TRHDE: variants seen among roughly 807,000 people sequenced by gnomAD.
TRHDE encodes the protein thyrotropin releasing hormone degrading enzyme.
TRHDE carries 72 observed loss-of-function variants against 125.7 expected under a neutral mutation model. The ratio of observed to expected loss-of-function variants is 0.57; its 90% CI spans 0.47 to 0.70. The LOEUF (loss-of-function observed/expected upper bound fraction) is 0.70. TRHDE is among the 30% of genes least tolerant of loss of function. TRHDE has a pLI of 0.00. For synonymous variants in TRHDE, 509 were observed against 509.1 expected, an observed-to-expected ratio of 1.00 and a Z score of 0.00; for missense variants, 1,110 against 1,327.1, an observed-to-expected ratio of 0.84 and a Z score of 2.54.
At chr12:72,213,259 AAGT>A (rs1031125552) in intron 2 of TRHDE, among the ~76,000 whole-genome samples, 1 of 152,104 alleles carries the variant, frequency 6.6e-6, no homozygotes, top group Non-Finnish European at 1.5e-5. Flanking sequence ...AGATGTTCAA[AAGT>A]AGGTTGTGGT....
chr12:72,457,795 A>G (rs1425737331), intron 3 of TRHDE, among the ~76,000 whole-genome samples: 1 of 152,200 alleles, frequency 6.6e-6, no homozygotes, highest in Admixed American at 6.5e-5. Flanking sequence ...AAAGGTAACC[A>G]CTTCATACTC....
intron 2 of TRHDE, among the ~76,000 whole-genome samples, chr12:72,328,420 G>GT (rs927074405): frequency 3.3e-5 from 5 of 150,248 alleles, no homozygotes; most frequent in African/African-American, 1.0e-4. Flanking sequence ...ATTTCTATTG[G>GT]TTTTTTTAAA....
intron 2 of TRHDE, among the ~76,000 whole-genome samples, chr12:72,297,694 G>A (rs1880354429): frequency 6.6e-6 from 1 of 152,212 alleles, no homozygotes; most frequent in Non-Finnish European, 1.5e-5. Flanking sequence ...TGGTGTAAAA[G>A]CAGCAATGGC....
chr12:72,398,833 T>A (rs117122400), intron 3 of TRHDE, among the ~76,000 whole-genome samples: 7,233 of 152,302 alleles, frequency 0.047, 250 homozygotes, highest in Non-Finnish European at 0.071. Flanking sequence ...ATTAAGTTGT[T>A]AGATGCTTTA....
At chr12:72,588,845 A>G (rs1420844022) in intron 12 of TRHDE, among the ~76,000 whole-genome samples, 1 of 152,160 alleles carries the variant, frequency 6.6e-6, no homozygotes, top group Non-Finnish European at 1.5e-5. Flanking sequence ...CATGGCTGGG[A>G]TGACCTCAGG....
At chr12:72,382,620 G>A (rs930970690) in intron 3 of TRHDE, among the ~76,000 whole-genome samples, 1 of 152,084 alleles carries the variant, frequency 6.6e-6, no homozygotes. Context: ...AAATAAACAG[G>A]AAGACTCTCT....
intron 2 of TRHDE, among the ~76,000 whole-genome samples, chr12:72,375,312 A>G (rs1163407102): frequency 6.6e-6 from 1 of 152,212 alleles, no homozygotes; most frequent in Non-Finnish European, 1.5e-5. Context: ...TACAATGCCT[A>G]GCACACAGCA....
At chr12:72,369,951 T>G (rs1871503712) in intron 2 of TRHDE, among the ~76,000 whole-genome samples, 1 of 152,190 alleles carries the variant, frequency 6.6e-6, no homozygotes, top group Non-Finnish European at 1.5e-5. Flanking sequence ...CTCTATGTTA[T>G]GATTAAGTAG....
intron 3 of TRHDE, among the ~76,000 whole-genome samples, chr12:72,449,959 A>G (rs1468207942): frequency 6.6e-6 from 1 of 151,864 alleles, no homozygotes; most frequent in Non-Finnish European, 1.5e-5. Context: ...CAATGATTCC[A>G]TTCATTTCCC....
intron 2 of TRHDE, among the ~76,000 whole-genome samples, chr12:72,292,887 C>T (rs976321740): frequency 3.9e-5 from 6 of 152,114 alleles, no homozygotes; most frequent in African/African-American, 1.4e-4. Flanking sequence ...ATTTTTAATG[C>T]TCACTGCGGA....
At chr12:72,524,812 A>G (rs919834573) in intron 6 of TRHDE, among the ~76,000 whole-genome samples, 2 of 152,146 alleles carry the variant, frequency 1.3e-5, no homozygotes, top group African/African-American at 2.4e-5. Flanking sequence ...TAAAGCTTCT[A>G]CTATAAGAGG....
At chr12:72,573,387 A>G (rs1402380907) in intron 10 of TRHDE, among the ~76,000 whole-genome samples, 2 of 151,968 alleles carry the variant, frequency 1.3e-5, no homozygotes, top group East Asian at 1.9e-4. Flanking sequence ...ATAGTTCTGG[A>G]GACTGGATAA....
rs532378342 is a variant in TRHDE at position 72,151,182 on chromosome 12, G to C, written n.279+45430G>C. 7.4e-4 allele frequency among the ~76,000 whole-genome samples: 112 copies of C among 152,182 alleles called. 1 individual carries two copies. The East Asian group carries it at 0.016, about 22-fold the overall frequency. ...GAGCATTTTTTCATGTGTCTGTTGG[G>C]TGCATAAATGTCTTCTTTTGAGAAG... On this transcript the variant is annotated intron_variant and non_coding_transcript_variant, in intron 2 of 4. Transcript: ENST00000548156.
chr12:72,635,620 G>A (rs1273259671), intron 15 of TRHDE, among the ~76,000 whole-genome samples: 2 of 151,858 alleles, frequency 1.3e-5, no homozygotes, highest in African/African-American at 2.4e-5. Context: ...TTCTTCTAGG[G>A]TTTTTATGGT....
intron 1 of TRHDE, among the ~76,000 whole-genome samples, chr12:72,095,331 T>C (rs1239643153): frequency 1.3e-5 from 2 of 152,218 alleles, no homozygotes. Flanking sequence ...ATATCCAATT[T>C]GGCATTTGAA....
intron 1 of TRHDE, among the ~76,000 whole-genome samples, chr12:72,088,931 C>T (rs1874728878): frequency 6.6e-6 from 1 of 152,120 alleles, no homozygotes; most frequent in African/African-American, 2.4e-5. Context: ...TTCTTCCAAA[C>T]TTCAGACCCA....
intron 2 of TRHDE, among the ~76,000 whole-genome samples, chr12:72,218,021 T>C (rs1877928649): frequency 6.6e-6 from 1 of 152,142 alleles, no homozygotes; most frequent in Non-Finnish European, 1.5e-5. Context: ...AAATAAGTAG[T>C]CTATATCAAT....
chr12:72,108,354 A>G (rs1240483946), intron 2 of TRHDE, among the ~76,000 whole-genome samples: 1 of 152,142 alleles, frequency 6.6e-6, no homozygotes, highest in East Asian at 1.9e-4. Flanking sequence ...TAGAAGAAAT[A>G]GGAAGATATA....
At chr12:72,308,397 A>G (rs1868389674) in intron 2 of TRHDE, among the ~76,000 whole-genome samples, 1 of 152,032 alleles carries the variant, frequency 6.6e-6, no homozygotes, top group Non-Finnish European at 1.5e-5. Flanking sequence ...AGGACTTTGA[A>G]GTTTGACAGA....
Sources: allele counts gnomAD v4.1 joint callset (sites outside exome capture counted in the v4.1 genomes callset), GRCh38; gene constraint gnomAD v4.1.1; transcripts MANE v1.5; gene names NCBI Gene and HGNC (gene_info 2026-07-23, HGNC 2026-07-21).